Variants in CDH12 observed in about 807,000 individuals in gnomAD.
The protein encoded by CDH12 is cadherin-12.
A neutral mutation model predicts 74.1 loss-of-function variants in CDH12; 41 were observed. The observed-to-expected ratio is 0.55, with a 90% CI of 0.43 to 0.72. The LOEUF (loss-of-function observed/expected upper bound fraction) is 0.72, where lower values mean the gene tolerates loss of function less well. Among genes scored for constraint, CDH12 ranks in the 30% least tolerant of loss-of-function variants. The pLI, the probability that CDH12 is intolerant of heterozygous loss-of-function variation, is 0.00. For missense variants in CDH12, 945 were observed against 977.2 expected, an observed-to-expected ratio of 0.97 and a Z score of 0.44; for synonymous variants, 399 against 355.0, an observed-to-expected ratio of 1.12 and a Z score of -1.39.
intron 1 of CDH12, among the ~76,000 whole-genome samples, chr5:22,739,383 G>GTAA (rs1744905747): frequency 6.6e-6 from 1 of 151,738 alleles, no homozygotes; most frequent in Non-Finnish European, 1.5e-5. Context: ...ATATGTCAAT[G>GTAA]AATGTTGTCC....
intron 5 of CDH12, among the ~76,000 whole-genome samples, chr5:22,019,669 C>A (rs947885916): frequency 1.3e-5 from 2 of 152,174 alleles, no homozygotes; most frequent in Non-Finnish European, 2.9e-5. Flanking sequence ...TGGACTTCCA[C>A]CCTCCATAAC....
intron 3 of CDH12, among the ~76,000 whole-genome samples, chr5:22,259,041 A>C (rs1753420048): frequency 6.6e-6 from 1 of 152,174 alleles, no homozygotes; most frequent in Non-Finnish European, 1.5e-5. Context: ...TTTTCTACAC[A>C]CAAATGTAAA....
chr5:22,098,849 C>T (rs974936259), intron 4 of CDH12, among the ~76,000 whole-genome samples: 19 of 152,140 alleles, frequency 1.2e-4, no homozygotes, highest in Non-Finnish European at 2.6e-4. Context: ...CAGGCCTAAT[C>T]GCCACACACC....
At chr5:22,784,930 T>C in intron 1 of CDH12, among the ~76,000 whole-genome samples, 1 of 152,216 alleles carries the variant, frequency 6.6e-6, no homozygotes, top group Non-Finnish European at 1.5e-5. Context: ...AAGTGAATAG[T>C]AATATAGTCA....
chr5:22,431,300 A>G (rs1029515905), intron 2 of CDH12, among the ~76,000 whole-genome samples: 3 of 152,194 alleles, frequency 2.0e-5, no homozygotes, highest in African/African-American at 7.2e-5. Context: ...CTATACGTTT[A>G]TGATGGGGCT....
chr5:22,449,155 T>C (rs1453611589), intron 2 of CDH12, among the ~76,000 whole-genome samples: 1 of 152,068 alleles, frequency 6.6e-6, no homozygotes, highest in Non-Finnish European at 1.5e-5. Flanking sequence ...GTACTGCGTA[T>C]TTTGTACTGA....
chr5:22,102,662 CAATAAATA>C (rs59315895), intron 4 of CDH12, among the ~76,000 whole-genome samples: 69,894 of 148,438 alleles, frequency 0.47, 16,624 homozygotes, highest in Middle Eastern at 0.54. Flanking sequence ...ACTCCGTCTC[CAATAAATA>C]AATAAATAAA....
At chr5:22,341,152 C>A (rs1739830419) in intron 3 of CDH12, among the ~76,000 whole-genome samples, 1 of 152,170 alleles carries the variant, frequency 6.6e-6, no homozygotes, top group Non-Finnish European at 1.5e-5. Context: ...TATCAGGAAT[C>A]CTGGTGTCTC....
At chr5:22,554,617 T>G (rs1738717391) in intron 1 of CDH12, among the ~76,000 whole-genome samples, 1 of 152,116 alleles carries the variant, frequency 6.6e-6, no homozygotes, top group Non-Finnish European at 1.5e-5. Context: ...TGAGTGGACA[T>G]CCCATTAAAT....
intron 4 of CDH12, among the ~76,000 whole-genome samples, chr5:22,097,677 C>T (rs370471285): frequency 2.0e-4 from 31 of 152,198 alleles, no homozygotes; most frequent in East Asian, 1.4e-3. Flanking sequence ...ACCTTTTCCC[C>T]CAGTTCAAAG....
At chr5:22,036,579 CGTGT>C (rs892350757) in intron 5 of CDH12, among the ~76,000 whole-genome samples, 2 of 151,862 alleles carry the variant, frequency 1.3e-5, no homozygotes, top group African/African-American at 4.8e-5. Flanking sequence ...CGTGTGCGTG[CGTGT>C]GTGTTTTGCC....
chr5:22,011,548 G>T (rs1737294903), intron 5 of CDH12, among the ~76,000 whole-genome samples: 1 of 152,032 alleles, frequency 6.6e-6, no homozygotes, highest in African/African-American at 2.4e-5. Context: ...TTTTCTATTT[G>T]TGGATAGACA....
chr5:22,215,139 AT>A lies in CDH12; in HGVS notation c.-332-2497del, dbSNP rs1751754245. ...TATTAAGCAGACATTATAATATTTTATTTTTTAATTAATTAAGTTAGGGCTC... is the reference window on the plus strand; with the variant it reads ...TATTAAGCAGACATTATAATATTTTATTTTTAATTAATTAAGTTAGGGCTC... On this transcript the variant is annotated intron_variant, in intron 3 of 14. Coordinates refer to ENST00000382254, the MANE Select transcript of CDH12 (RefSeq NM_004061.5). Among the ~76,000 whole-genome samples the A allele has an allele frequency of 2.0e-5, 3 of 152,136 alleles. 1 individual carries two copies. In the South Asian group the frequency reaches 6.2e-4, roughly 31 times the overall value.
chr5:22,249,454 T>G (rs1387030052), intron 3 of CDH12, among the ~76,000 whole-genome samples: 1 of 152,042 alleles, frequency 6.6e-6, no homozygotes, highest in Non-Finnish European at 1.5e-5. Context: ...TGTGTAGAGA[T>G]TAGGTTTACA....
chr5:22,716,092 G>C lies in CDH12; in HGVS notation c.-523+136966C>G, dbSNP rs566925653. Among the ~76,000 whole-genome samples the C allele has an allele frequency of 5.6e-4, 86 of 152,222 alleles. 1 individual carries two copies. The highest frequency in any genetic ancestry group is 4.9e-4 in the Non-Finnish European group (33 of 68,020). On this transcript the variant is annotated intron_variant, in intron 1 of 14. Coordinates refer to ENST00000382254, the MANE Select transcript of CDH12 (RefSeq NM_004061.5). Reference sequence around the variant, plus strand: ...GCAGAGATTGCAGTGAGCGGAGATTGTGCCACTGCCCTCCAGCCTGGGTGA... The same window carrying C: ...GCAGAGATTGCAGTGAGCGGAGATTCTGCCACTGCCCTCCAGCCTGGGTGA...
At chr5:21,916,382 AG>A (rs2150068056) in intron 6 of CDH12, among the ~76,000 whole-genome samples, 1 of 152,300 alleles carries the variant, frequency 6.6e-6, no homozygotes, top group Admixed American at 6.5e-5. Flanking sequence ...TTTCTACTCC[AG>A]GGTCTTCAAA....
chr5:21,824,619 T>C (rs1466644103), intron 8 of CDH12, among the ~76,000 whole-genome samples: 1 of 152,184 alleles, frequency 6.6e-6, no homozygotes, highest in Non-Finnish European at 1.5e-5. Context: ...ATTTTAACTT[T>C]CCTCAGCATG....
At chr5:22,068,334 A>G (rs1741708224) in intron 5 of CDH12, among the ~76,000 whole-genome samples, 1 of 152,206 alleles carries the variant, frequency 6.6e-6, no homozygotes, top group Non-Finnish European at 1.5e-5. Flanking sequence ...AGAGAGAAAG[A>G]GAAGCCTTGA....
intron 1 of CDH12, among the ~76,000 whole-genome samples, chr5:22,833,574 A>C (rs1736706928): frequency 6.6e-6 from 1 of 152,218 alleles, no homozygotes; most frequent in Non-Finnish European, 1.5e-5. Flanking sequence ...AAGAGTTTGT[A>C]CATATTTGGA....
Sources: allele counts gnomAD v4.1 joint callset (sites outside exome capture counted in the v4.1 genomes callset), GRCh38; gene constraint gnomAD v4.1.1; transcripts MANE v1.5; gene names NCBI Gene and HGNC (gene_info 2026-07-23, HGNC 2026-07-21).